Variants in RASA2 observed in about 807,000 individuals in gnomAD.
RASA2 encodes the protein RAS p21 protein activator 2, also known as ras GTPase-activating protein 2.
A neutral mutation model predicts 118.2 loss-of-function variants in RASA2; 155 were observed. That is an observed-to-expected ratio of 1.31 (90% CI 1.15 to 1.50). The LOEUF is 1.50. Among genes scored for constraint, RASA2 ranks in the 40% most tolerant of loss-of-function variants. The probability of loss-of-function intolerance (pLI) is 0.00; values close to 1 mark genes in which losing one functional copy is unlikely to be tolerated. For synonymous variants in RASA2, 353 were observed against 349.1 expected (o/e 1.01, Z -0.12); for missense variants, 1,016 against 1,009.6 (o/e 1.01, Z -0.09).
In RASA2 at chr3:141,487,149, A is replaced by G; in HGVS notation, c.66A>G (p.Ala22=). 1 of 1,461,746 alleles carries G rather than the reference A, an allele frequency of 6.8e-7. No individual in the cohort carries two copies. The highest frequency in any genetic ancestry group is 9.1e-7 in the Non-Finnish European group (1 of 1,099,438). The allele number at this position is 1,461,746 out of a possible 1,614,324, so 90.5% of individuals were successfully genotyped here. ...AGGCGCCAGCGGCGAGTGCGACTGC[A>G]GAGCCCGAGGCCGGGGACCAGGACA... ...SSEAPAASAT[A]EPEAGDQDSR... is the part of the protein sequence containing the mutation. The change falls in exon 1 of 24, where the codon GCA becomes GCG. Residue 22 remains alanine, a synonymous_variant. Coordinates refer to ENST00000286364, the MANE Select transcript of RASA2 (RefSeq NM_006506.5).
intron 19 of RASA2, among the ~76,000 whole-genome samples, chr3:141,602,548 C>T (rs924087152): frequency 6.6e-6 from 1 of 152,082 alleles, no homozygotes; most frequent in Non-Finnish European, 1.5e-5. Flanking sequence ...TTTTGGGGAC[C>T]CCTCTTTTAG....
chr3:141,553,865 C>T lies in RASA2; in HGVS notation c.536C>T (p.Ala179Val). The change falls in exon 6 of 24, where the codon GCA becomes GTA. Residue 179 changes from alanine (A) to valine (V), a missense_variant. Physicochemically the swap from Ala to Val is moderately conservative, Grantham distance 64. Transcript: ENST00000286364. Reference protein sequence around the residue: ...VCQQLVVHIKACHGLPLINGQ... With the variant: ...VCQQLVVHIKVCHGLPLINGQ... Reference sequence around the variant, plus strand: ...CTTTTATTCTACCTTAGCATCAAGGCATGCCATGGGTTGCCTCTCATAAAT... The same window carrying T: ...CTTTTATTCTACCTTAGCATCAAGGTATGCCATGGGTTGCCTCTCATAAAT... The T allele has an allele frequency of 1.9e-6, 3 of 1,611,214 alleles. No individual in the cohort carries two copies. Among genetic ancestry groups the T allele is most frequent in the Non-Finnish European group, 2.5e-6 (3 of 1,178,670 alleles).
intron 1 of RASA2, among the ~76,000 whole-genome samples, chr3:141,489,476 T>C (rs1215435597): frequency 1.3e-5 from 2 of 152,108 alleles, no homozygotes; most frequent in Non-Finnish European, 2.9e-5. Context: ...TTAAGCAGCT[T>C]GGGGAGGGTG....
At chr3:141,574,388 A>G (rs950742798) in intron 14 of RASA2, among the ~76,000 whole-genome samples, 2 of 151,702 alleles carry the variant, frequency 1.3e-5, no homozygotes, top group Non-Finnish European at 2.9e-5. Context: ...ACGGGGTTTC[A>G]CCATGTTAGC....
rs1265126058 is a variant in RASA2, at chr3:141,608,531, G to A, written c.2059G>A (p.Ala687Thr). ...IHTEKPLYVQ[A>T]NNCVEANEWI... Reference sequence around the variant, plus strand: ...TACGGAGAAACCACTCTATGTCCAGGCAAATAACTGTGTAGAAGCTAATGA... The same window carrying A: ...TACGGAGAAACCACTCTATGTCCAGACAAATAACTGTGTAGAAGCTAATGA... The change falls in exon 21 of 24, where the codon GCA (alanine) becomes ACA (threonine). Residue 687 changes from alanine to threonine, a missense_variant. Transcript: ENST00000286364. 1 of 1,613,900 alleles carries A rather than the reference G, an allele frequency of 6.2e-7. No homozygotes were observed. The highest frequency in any genetic ancestry group is 8.5e-7 in the Non-Finnish European group (1 of 1,179,888).
At chr3:141,545,466 T>C (rs2082470842) in intron 5 of RASA2, among the ~76,000 whole-genome samples, 1 of 146,334 alleles carries the variant, frequency 6.8e-6, no homozygotes, top group South Asian at 2.3e-4. Flanking sequence ...ACATACTTTT[T>C]TTTTTTTTTT....
chr3:141,559,606 A>G (rs890501408), intron 8 of RASA2, among the ~76,000 whole-genome samples: 7 of 152,110 alleles, frequency 4.6e-5, no homozygotes, highest in African/African-American at 1.7e-4. Context: ...TTCTTTCTGT[A>G]GTCCTTATTG....
rs577631895 is a variant in RASA2 at position 141,612,299 on chromosome 3, G to T, written c.2536G>T (p.Gly846Trp). The T allele has an allele frequency of 1.9e-6, 3 of 1,589,242 alleles. No individual in the cohort carries two copies. The highest frequency in any genetic ancestry group is 2.6e-6 in the Non-Finnish European group (3 of 1,163,248). Residue 846 changes from glycine to tryptophan, a missense_variant, in exon 24 of 24, where the codon GGG (glycine) becomes TGG (tryptophan). Around this residue, in one of 2 missense-constraint regions of RASA2, gnomAD observed 120 missense variants for 173.2 expected, o/e 0.69. Transcript: ENST00000286364. Reference protein sequence around the residue: ...KYGSKENPIVGKAS With the variant: ...KYGSKENPIVWKAS ...CTTCTCTAGGGAAAATCCAATTGTT[G>T]GGAAAGCATCTTAGAGTTTAACAGA... is the stretch of plus-strand genomic sequence containing the variant.
rs149612373 is a variant in RASA2, at chr3:141,559,399, C to G, written c.761+437C>G. On this transcript the variant is annotated intron_variant, in intron 8 of 23. Transcript: ENST00000286364. ...CATGTGTTTGAAGTTTGTGCTGTTT[C>G]CTGGGTCTTAAATATCTATGCCCTT... Among the ~76,000 whole-genome samples the G allele has an allele frequency of 2.4e-4, 36 of 152,068 alleles. 1 individual carries two copies. In the East Asian group the frequency reaches 6.9e-3, roughly 29 times the overall value.
intron 5 of RASA2, among the ~76,000 whole-genome samples, chr3:141,546,498 A>G (rs1356214499): frequency 1.3e-5 from 2 of 152,218 alleles, no homozygotes; most frequent in African/African-American, 4.8e-5. Flanking sequence ...CTTTTGAGAA[A>G]TATTTATTCA....
At chr3:141,488,906 A>G (rs1005838834) in intron 1 of RASA2, among the ~76,000 whole-genome samples, 42 of 152,210 alleles carry the variant, frequency 2.8e-4, no homozygotes, top group Non-Finnish European at 5.0e-4. Context: ...CCATGGAACT[A>G]CATATACACA....
At chr3:141,509,317 A>G (rs1026470342) in intron 1 of RASA2, among the ~76,000 whole-genome samples, 3 of 152,208 alleles carry the variant, frequency 2.0e-5, no homozygotes, top group Admixed American at 1.3e-4. Context: ...ATATCTGATA[A>G]TGTCAGGTTC....
chr3:141,580,085 A>AATATAT lies in RASA2; in HGVS notation c.1591-256_1591-251dup, dbSNP rs1207351331. ...AAAAAAAAAGAAAAAAAAAAAAAAA[A>AATATAT]ATATATATATATATATATATATATA... On this transcript the variant is annotated intron_variant, in intron 15 of 23. Transcript: ENST00000286364. 5.2e-3 allele frequency among the ~76,000 whole-genome samples: 307 copies of AATATAT among 59,524 alleles called. 3 individuals carry two copies. The highest frequency in any genetic ancestry group is 0.018 in the East Asian group (22 of 1,256). The allele number at this position is 59,524 out of a possible 152,430, so 39.1% of individuals were successfully genotyped here. A position where few individuals can be genotyped will look rare whatever the true frequency, so the allele number is the denominator to read the frequency against.
chr3:141,576,319 T>G (rs1432462740), intron 14 of RASA2, among the ~76,000 whole-genome samples: 2 of 152,176 alleles, frequency 1.3e-5, no homozygotes, highest in South Asian at 4.1e-4. Context: ...AAACGACTTG[T>G]TAATGGTTAC....
At chr3:141,544,870 C>T (rs1434860758) in intron 5 of RASA2, among the ~76,000 whole-genome samples, 3 of 152,190 alleles carry the variant, frequency 2.0e-5, no homozygotes, top group African/African-American at 7.2e-5. Flanking sequence ...TTATCCTTAG[C>T]AGACTAACGC....
intron 5 of RASA2, among the ~76,000 whole-genome samples, chr3:141,545,822 C>T (rs2082476968): frequency 6.6e-6 from 1 of 152,052 alleles, no homozygotes; most frequent in African/African-American, 2.4e-5. Flanking sequence ...AATACGAGAT[C>T]TTATCCATTA....
intron 1 of RASA2, among the ~76,000 whole-genome samples, chr3:141,511,606 G>T (rs2151080135): frequency 6.6e-6 from 1 of 152,262 alleles, no homozygotes; most frequent in South Asian, 2.1e-4. Flanking sequence ...AATGTGGAAG[G>T]CATTAGTGTC....
intron 19 of RASA2, among the ~76,000 whole-genome samples, chr3:141,595,777 C>T (rs1004800048): frequency 1.4e-4 from 21 of 151,978 alleles, no homozygotes; most frequent in East Asian, 5.8e-4. Flanking sequence ...CACAGGTGGA[C>T]GCCACCACAT....
rs765229859 is a variant in RASA2, at chr3:141,608,579, G to A, written c.2107G>A (p.Val703Met). The change falls in exon 21 of 24, where the codon GTG (valine) becomes ATG (methionine). Residue 703 changes from valine to methionine, a missense_variant. Coordinates refer to ENST00000286364, the MANE Select transcript of RASA2 (RefSeq NM_006506.5). ...ANEWIDVLCR[V>M]SRCNQNRLSF... Reference sequence around the variant, plus strand: ...TGAATGGATAGACGTACTCTGCAGGGTGAGCCGATGCAATCAAAACAGGCT... The same window carrying A: ...TGAATGGATAGACGTACTCTGCAGGATGAGCCGATGCAATCAAAACAGGCT... 4.3e-6 allele frequency: 7 copies of A among 1,613,956 alleles called. No homozygotes were observed. Among genetic ancestry groups the A allele is most frequent in the Non-Finnish European group, 5.1e-6 (6 of 1,179,890 alleles).
Sources: allele counts gnomAD v4.1 joint callset (sites outside exome capture counted in the v4.1 genomes callset), GRCh38; gene constraint gnomAD v4.1.1; regional missense constraint gnomAD v4.1.1; transcripts MANE v1.5; gene names NCBI Gene and HGNC (gene_info 2026-07-23, HGNC 2026-07-21).